Variants in KLHDC1 observed in about 807,000 individuals in gnomAD.
KLHDC1 encodes the protein kelch domain-containing protein 1.
A neutral mutation model predicts 68.3 loss-of-function variants in KLHDC1; 53 were observed. The observed-to-expected ratio is 0.78, with a 90% CI of 0.62 to 0.98. The LOEUF (loss-of-function observed/expected upper bound fraction) is 0.98. KLHDC1 is among the 50% of genes least tolerant of loss of function. The pLI is 0.00. For synonymous variants in KLHDC1, 148 were observed against 159.0 expected (o/e 0.93, Z 0.52); for missense variants, 470 against 492.3 (o/e 0.95, Z 0.43).
At chr14:49,711,883 A>G (rs1291086995) in intron 4 of KLHDC1, among the ~76,000 whole-genome samples, 1 of 122,838 alleles carries the variant, frequency 8.1e-6, no homozygotes, top group African/African-American at 3.0e-5. Context: ...GTTATAATCG[A>G]TTTATATGTC....
chr14:49,730,839 G>A (rs1201069183), intron 8 of KLHDC1, among the ~76,000 whole-genome samples: 5 of 151,816 alleles, frequency 3.3e-5, no homozygotes, highest in African/African-American at 9.7e-5. Flanking sequence ...AGGAGTGGTG[G>A]TGGACGCCTA....
At chr14:49,715,524 A>G (rs1276618461) in intron 4 of KLHDC1, among the ~76,000 whole-genome samples, 2 of 151,214 alleles carry the variant, frequency 1.3e-5, no homozygotes, top group African/African-American at 4.8e-5. Context: ...AGGCGGGCAG[A>G]TTACTTGAGG....
intron 4 of KLHDC1, among the ~76,000 whole-genome samples, chr14:49,710,806 A>G (rs1888178390): frequency 6.6e-6 from 1 of 152,124 alleles, no homozygotes; most frequent in African/African-American, 2.4e-5. Flanking sequence ...TGAACATTTT[A>G]GCTCCTCACT....
At chr14:49,697,474 G>GT (rs2139726491) in intron 1 of KLHDC1, among the ~76,000 whole-genome samples, 1 of 152,310 alleles carries the variant, frequency 6.6e-6, no homozygotes, top group East Asian at 1.9e-4. Flanking sequence ...TTGAAATACT[G>GT]TGAGAATTAC....
At chr14:49,707,364 TGGAGACAGA>T (rs1357639494) in intron 1 of KLHDC1, among the ~76,000 whole-genome samples, 3 of 141,016 alleles carry the variant, frequency 2.1e-5, no homozygotes, top group Non-Finnish European at 4.6e-5. Context: ...TTTTTTTTTT[TGGAGACAGA>T]GTCTCCATTT....
rs1193436723 is a variant in KLHDC1 at position 49,729,473 on chromosome 14, A to G, written c.652-17A>G. The G allele has an allele frequency of 3.2e-6, 5 of 1,579,336 alleles. No homozygotes were observed. Among genetic ancestry groups the G allele is most frequent in the East Asian group, 2.2e-5 (1 of 44,602 alleles). On this transcript the variant is annotated splice_polypyrimidine_tract_variant and intron_variant, in intron 7 of 12. Coordinates refer to ENST00000359332, the MANE Select transcript of KLHDC1 (RefSeq NM_172193.3). Reference sequence around the variant, plus strand: ...AAGATGTGAAATACTGACCAATGTAACACACTTTTCTTTTAGCAAACTAGG... The same window carrying G: ...AAGATGTGAAATACTGACCAATGTAGCACACTTTTCTTTTAGCAAACTAGG...
At chr14:49,730,594 G>A (rs1344023473) in intron 8 of KLHDC1, among the ~76,000 whole-genome samples, 1 of 152,040 alleles carries the variant, frequency 6.6e-6, no homozygotes, top group African/African-American at 2.4e-5. Context: ...GTTTTAAAAA[G>A]GCAAATAATC....
At chr14:49,709,346 C>T in intron 2 of KLHDC1, 117 bp downstream of exon 2, 1 of 514,828 alleles carries the variant, frequency 1.9e-6, no homozygotes, top group African/African-American at 2.0e-5. Context: ...TGAAGTCTCC[C>T]TTTCCTTTCC....
intron 4 of KLHDC1, among the ~76,000 whole-genome samples, chr14:49,716,663 C>G (rs916716870): frequency 6.6e-6 from 1 of 152,140 alleles, no homozygotes; most frequent in Non-Finnish European, 1.5e-5. Context: ...GGATTACAGG[C>G]ATGAGATACC....
intron 4 of KLHDC1, among the ~76,000 whole-genome samples, chr14:49,720,160 A>G (rs1888490066): frequency 6.6e-6 from 1 of 152,060 alleles, no homozygotes; most frequent in Admixed American, 6.5e-5. Flanking sequence ...CTAATTTTGT[A>G]TTTTTAGTAC....
At position 49,723,924 on chromosome 14, in the gene KLHDC1, A is replaced by G. The variant is rs1888601835; in HGVS notation, c.455A>G (p.Asp152Gly). The change falls in exon 5 of 13, where the codon GAC (aspartate) becomes GGC (glycine). Residue 152 changes from aspartate to glycine, a missense_variant. Physicochemically the swap from Asp to Gly is moderately conservative, Grantham distance 94. Transcript: ENST00000359332. ...TGTAGGAGACACAGTGAACTCCAAG[A>G]CTGTTTTGATGTTCATGATGCATCT... ...YGCRRHSELQ[D>G]CFDVHDASWE... is the part of the protein sequence containing the mutation. 2 of 1,605,992 alleles carry G rather than the reference A, an allele frequency of 1.2e-6. No homozygotes were observed. The highest frequency in any genetic ancestry group is 1.7e-5 in the Admixed American group (1 of 59,410).
rs1888684375 is a variant in KLHDC1 at position 49,726,900 on chromosome 14, T to A, written c.567+1131T>A. ...GCTCATTTAGGAGGGAATATGGTCC[T>A]GGTTACACACACAGTTATTTGTATT... On this transcript the variant is annotated intron_variant, in intron 6 of 12. Transcript: ENST00000359332. Among the ~76,000 whole-genome samples, 3 of 152,216 alleles carry A rather than the reference T, an allele frequency of 2.0e-5. No individual in the cohort carries two copies. In the South Asian group the frequency reaches 6.2e-4, roughly 32 times the overall value.
intron 2 of KLHDC1, 54 bp from the exon 3 acceptor site, chr14:49,709,655 A>AT: frequency 1.0e-6 from 1 of 983,772 alleles, no homozygotes; most frequent in Non-Finnish European, 1.5e-6. Flanking sequence ...TTTAAAGAGA[A>AT]TTTTAATTTG....
In KLHDC1 at chr14:49,693,212, G is replaced by C. The variant is rs758602085; in HGVS notation, c.18G>C (p.Leu6=). Residue 6 remains leucine, a synonymous_variant, in exon 1 of 13, where the codon CTG becomes CTC. Transcript: ENST00000359332. The part of the protein sequence containing the change: MADSQ[L]FCVAEERSGH... Reference sequence around the variant, plus strand: ...CGGCGCGAATGGCGGACTCTCAGCTGTTCTGTGTGGCGGAGGAACGCAGCG... The same window carrying C: ...CGGCGCGAATGGCGGACTCTCAGCTCTTCTGTGTGGCGGAGGAACGCAGCG... 3 of 1,581,342 alleles carry C rather than the reference G, an allele frequency of 1.9e-6. No homozygotes were observed. The highest frequency in any genetic ancestry group is 1.7e-6 in the Non-Finnish European group (2 of 1,165,564).
chr14:49,713,839 TATATATATA>T (rs1742831742), intron 4 of KLHDC1, among the ~76,000 whole-genome samples: 1 of 6,272 alleles, frequency 1.6e-4, no homozygotes. Flanking sequence ...TATATATATA[TATATATATA>T]TATTTTTTTT....
At chr14:49,723,038 G>C (rs1888572038) in intron 4 of KLHDC1, among the ~76,000 whole-genome samples, 1 of 125,870 alleles carries the variant, frequency 7.9e-6, no homozygotes, top group Non-Finnish European at 1.6e-5. Flanking sequence ...CTTGAGCAGA[G>C]ATCACGCCAC....
chr14:49,704,351 A>G (rs1011583780), intron 1 of KLHDC1, among the ~76,000 whole-genome samples: 1 of 146,444 alleles, frequency 6.8e-6, no homozygotes, highest in African/African-American at 2.5e-5. Context: ...TATGTCTTCA[A>G]TTTATAGCTT....
At chr14:49,715,125 A>G (rs2040181744) in intron 4 of KLHDC1, among the ~76,000 whole-genome samples, 1 of 146,672 alleles carries the variant, frequency 6.8e-6, no homozygotes, top group Non-Finnish European at 1.5e-5. Context: ...ATTTTACTTT[A>G]TTATTTTTTT....
At chr14:49,697,032 G>T (rs749977858) in intron 1 of KLHDC1, among the ~76,000 whole-genome samples, 1 of 151,940 alleles carries the variant, frequency 6.6e-6, no homozygotes, top group African/African-American at 2.4e-5. Context: ...TGCCTCCTGG[G>T]TTCACACCAT....
Sources: allele counts gnomAD v4.1 joint callset (sites outside exome capture counted in the v4.1 genomes callset), GRCh38; gene constraint gnomAD v4.1.1; transcripts MANE v1.5; gene names NCBI Gene and HGNC (gene_info 2026-07-23, HGNC 2026-07-21).